The following CPQ variants were observed in gnomAD, a reference collection of about 807,000 sequenced individuals.
The protein encoded by CPQ is carboxypeptidase Q, also known as Ser-Met dipeptidase.
CPQ carries 37 observed loss-of-function variants against 45.7 expected under a neutral mutation model. The observed-to-expected ratio is 0.81, with a 90% confidence interval of 0.62 to 1.07. The LOEUF (loss-of-function observed/expected upper bound fraction) is 1.07, where lower values mean the gene tolerates loss of function less well. Ranked by LOEUF, CPQ falls within the 50% of genes least tolerant of loss-of-function variation. CPQ has a pLI of 0.00. For missense variants in CPQ, 537 were observed against 572.9 expected, an observed-to-expected ratio of 0.94 and a Z score of 0.64; for synonymous variants, 186 against 205.8, an observed-to-expected ratio of 0.90 and a Z score of 0.82.
rs555271461 is a variant in CPQ at position 97,131,887 on chromosome 8, A to G, written c.1256-11133A>G. Among the ~76,000 whole-genome samples, 15 of 152,258 alleles carry G rather than the reference A, an allele frequency of 9.9e-5. No individual in the cohort carries two copies. In the South Asian group the frequency reaches 2.7e-3, roughly 27 times the overall value. On this transcript the variant is annotated intron_variant, in intron 7 of 7. Transcript: ENST00000220763. The stretch of plus-strand genomic sequence containing the variant: ...TACCAGTCCGTAAGTGGATCTGCTT[A>G]TAGAGAAACACCTGTTGCTTCTGTT...
At chr8:96,999,071 A>C (rs1448126647) in intron 5 of CPQ, among the ~76,000 whole-genome samples, 1 of 151,728 alleles carries the variant, frequency 6.6e-6, no homozygotes, top group African/African-American at 2.4e-5. Flanking sequence ...TTACTCTATC[A>C]CCCCCATTTT....
intron 3 of CPQ, among the ~76,000 whole-genome samples, chr8:96,836,384 G>A (rs1404389594): frequency 6.6e-6 from 1 of 152,184 alleles, no homozygotes; most frequent in African/African-American, 2.4e-5. Context: ...TATCTTCCCA[G>A]GGGAGGAGGA....
chr8:96,926,788 A>G (rs780657666), intron 4 of CPQ, among the ~76,000 whole-genome samples: 1 of 151,838 alleles, frequency 6.6e-6, no homozygotes, highest in Non-Finnish European at 1.5e-5. Context: ...TCAACCTGTC[A>G]TCTACATTAG....
intron 1 of CPQ, among the ~76,000 whole-genome samples, chr8:96,782,903 A>T (rs9642938): frequency 2.6e-5 from 4 of 151,942 alleles, no homozygotes; most frequent in East Asian, 1.9e-4. Flanking sequence ...CTTAATAACA[A>T]GGATAGCCTT....
chr8:97,045,900 T>A (rs148285363), intron 6 of CPQ, among the ~76,000 whole-genome samples: 8 of 152,312 alleles, frequency 5.3e-5, no homozygotes, highest in Non-Finnish European at 1.2e-4. Flanking sequence ...CGCTGGCACA[T>A]CCACTTTGTA....
At chr8:96,865,630 T>C (rs2130870363) in intron 3 of CPQ, among the ~76,000 whole-genome samples, 1 of 152,174 alleles carries the variant, frequency 6.6e-6, no homozygotes, top group South Asian at 2.1e-4. Context: ...GCTATGTGAC[T>C]GTTTCTTTGA....
At chr8:96,870,659 T>C (rs1370794245) in intron 3 of CPQ, among the ~76,000 whole-genome samples, 3 of 151,968 alleles carry the variant, frequency 2.0e-5, no homozygotes, top group Admixed American at 2.0e-4. Flanking sequence ...CTTCACAGGG[T>C]TGTAATAACT....
At chr8:96,686,036 A>G (rs564473683) in intron 1 of CPQ, among the ~76,000 whole-genome samples, 1 of 152,262 alleles carries the variant, frequency 6.6e-6, no homozygotes, top group East Asian at 1.9e-4. Flanking sequence ...TATGAAAAGT[A>G]GTGGTGTCAC....
At chr8:96,804,911 G>T (rs1439941963) in intron 2 of CPQ, among the ~76,000 whole-genome samples, 2 of 151,670 alleles carry the variant, frequency 1.3e-5, no homozygotes, top group Non-Finnish European at 2.9e-5. Flanking sequence ...AAAACATTTA[G>T]TGCTTTGTTT....
At chr8:97,019,678 A>G (rs1210047612) in intron 5 of CPQ, among the ~76,000 whole-genome samples, 2 of 152,212 alleles carry the variant, frequency 1.3e-5, no homozygotes, top group East Asian at 1.9e-4. Flanking sequence ...AAATATCACA[A>G]TTCTAAATAT....
At chr8:96,851,284 G>A (rs775735058) in intron 3 of CPQ, among the ~76,000 whole-genome samples, 2 of 152,152 alleles carry the variant, frequency 1.3e-5, no homozygotes, top group South Asian at 2.1e-4. Context: ...GGTCATATTC[G>A]TAAAGGTTGC....
intron 6 of CPQ, among the ~76,000 whole-genome samples, chr8:97,056,749 A>G (rs1306003074): frequency 6.6e-6 from 1 of 152,194 alleles, no homozygotes; most frequent in Non-Finnish European, 1.5e-5. Flanking sequence ...GAATAAAGTC[A>G]TCTGTTCATT....
At chr8:96,804,679 G>A (rs1035166466) in intron 2 of CPQ, among the ~76,000 whole-genome samples, 1 of 151,942 alleles carries the variant, frequency 6.6e-6, no homozygotes, top group African/African-American at 2.4e-5. Flanking sequence ...AGAATCATTA[G>A]CCTGTTACCT....
chr8:96,821,126 A>ATTTTTTTTTTTTTTTTTTTTTTTTTTTT, intron 2 of CPQ, among the ~76,000 whole-genome samples: 1 of 60,938 alleles, frequency 1.6e-5, no homozygotes, highest in Non-Finnish European at 3.0e-5. Context: ...TTTAATCTGA[A>ATTTTTTTTTTTTTTTTTTTTTTTTTTTT]TTTTTTTTTT....
intron 2 of CPQ, among the ~76,000 whole-genome samples, chr8:96,794,429 G>A (rs1465600178): frequency 6.6e-6 from 1 of 152,130 alleles, no homozygotes; most frequent in Non-Finnish European, 1.5e-5. Flanking sequence ...ATGGCACACA[G>A]TATGAGGATC....
In CPQ at chr8:96,872,517, A is replaced by G. The variant is rs529484783; in HGVS notation, c.642-7281A>G. ...TTTAATTTAGATTTACTTAGTTGGT[A>G]GGAAGTTATATATCTGTGAGAGAAA... is the stretch of plus-strand genomic sequence containing the variant. On this transcript the variant is annotated intron_variant, in intron 3 of 7. Coordinates refer to ENST00000220763, the MANE Select transcript of CPQ (RefSeq NM_016134.4). Among the ~76,000 whole-genome samples, 3 of 152,076 alleles carry G rather than the reference A, an allele frequency of 2.0e-5. No individual in the cohort carries two copies. The South Asian group carries it at 6.2e-4, about 31-fold the overall frequency.
At chr8:96,717,327 A>G (rs1282005670) in intron 1 of CPQ, among the ~76,000 whole-genome samples, 1 of 151,738 alleles carries the variant, frequency 6.6e-6, no homozygotes, top group African/African-American at 2.4e-5. Context: ...TGGTTTTACT[A>G]GTTTACATTC....
intron 1 of CPQ, among the ~76,000 whole-genome samples, chr8:96,678,107 A>G (rs1375252018): frequency 6.6e-6 from 1 of 152,048 alleles, no homozygotes; most frequent in Admixed American, 6.6e-5. Context: ...GGGTAATGGG[A>G]TGCTTCCAGA....
At chr8:97,079,602 A>G (rs1810912331) in intron 7 of CPQ, among the ~76,000 whole-genome samples, 1 of 152,190 alleles carries the variant, frequency 6.6e-6, no homozygotes, top group African/African-American at 2.4e-5. Context: ...CCCGTGTCAC[A>G]TATAAGATGC....
Sources: allele counts gnomAD v4.1 joint callset (sites outside exome capture counted in the v4.1 genomes callset), GRCh38; gene constraint gnomAD v4.1.1; transcripts MANE v1.5; gene names NCBI Gene and HGNC (gene_info 2026-07-23, HGNC 2026-07-21).